Variants in ADGRL3 observed in about 807,000 individuals in gnomAD.
ADGRL3 encodes the protein adhesion G protein-coupled receptor L3.
A neutral mutation model predicts 153.5 loss-of-function variants in ADGRL3; 62 were observed. The ratio of observed to expected loss-of-function variants is 0.40; its 90% CI spans 0.33 to 0.50. The LOEUF (loss-of-function observed/expected upper bound fraction) is 0.50. Among genes scored for constraint, ADGRL3 ranks in the 20% least tolerant of loss-of-function variants. The pLI, the probability that ADGRL3 is intolerant of heterozygous loss-of-function variation, is 0.47. For missense variants in ADGRL3, 1,641 were observed against 1,859.4 expected (o/e 0.88, Z 2.16); for synonymous variants, 710 against 672.5 (o/e 1.06, Z -0.86).
intron 8 of ADGRL3, among the ~76,000 whole-genome samples, chr4:61,734,028 A>G (rs1471702169): frequency 6.6e-6 from 1 of 152,204 alleles, no homozygotes; most frequent in African/African-American, 2.4e-5. Flanking sequence ...CATTTTGGGA[A>G]GGTTGTCAGT....
chr4:61,607,056 A>T (rs2099035134), intron 5 of ADGRL3, among the ~76,000 whole-genome samples: 2 of 152,192 alleles, frequency 1.3e-5, no homozygotes, highest in South Asian at 2.1e-4. Context: ...GAAGAAGAGG[A>T]GTTATTACTC....
At chr4:61,453,077 A>T (rs1183894197) in intron 2 of ADGRL3, among the ~76,000 whole-genome samples, 1 of 152,166 alleles carries the variant, frequency 6.6e-6, no homozygotes, top group African/African-American at 2.4e-5. Flanking sequence ...ATTGTAAAGG[A>T]TTCAGTGAAA....
At chr4:61,398,359 T>C (rs1162307802) in intron 2 of ADGRL3, among the ~76,000 whole-genome samples, 1 of 151,744 alleles carries the variant, frequency 6.6e-6, no homozygotes, top group Non-Finnish European at 1.5e-5. Context: ...CCTTCGTAAA[T>C]GTATTGACAA....
Position 61,379,486 on chromosome 4 carries a change from T to C in ADGRL3, c.-239-3638T>C, listed in dbSNP as rs545917953. 1.3e-4 allele frequency among the ~76,000 whole-genome samples: 20 copies of C among 152,194 alleles called. No homozygotes were observed. In the East Asian group the frequency reaches 3.9e-3, roughly 29 times the overall value. On this transcript the variant is annotated intron_variant, in intron 1 of 26. Coordinates refer to ENST00000683033, the MANE Select transcript of ADGRL3 (RefSeq NM_001387552.1). ...AGATACTCCATCATAAAAATTTCTC[T>C]AACTCGTTGTATTGTTTTTTAAGTC...
At chr4:61,554,532 C>T (rs2098756598) in intron 4 of ADGRL3, among the ~76,000 whole-genome samples, 1 of 152,018 alleles carries the variant, frequency 6.6e-6, no homozygotes. Flanking sequence ...AAAATTTCAT[C>T]CACCTGCTTT....
chr4:61,376,665 G>A (rs1232379685), intron 1 of ADGRL3, among the ~76,000 whole-genome samples: 4 of 152,168 alleles, frequency 2.6e-5, no homozygotes, highest in African/African-American at 9.6e-5. Context: ...CACATCTGCT[G>A]TGTATTTTAC....
At chr4:61,878,709 C>T (rs1184680415) in intron 9 of ADGRL3, among the ~76,000 whole-genome samples, 1 of 152,164 alleles carries the variant, frequency 6.6e-6, no homozygotes, top group African/African-American at 2.4e-5. Flanking sequence ...TTCTGTGTCA[C>T]ATGCTGCTCA....
intron 1 of ADGRL3, among the ~76,000 whole-genome samples, chr4:61,260,037 G>A (rs1181076720): frequency 3.3e-5 from 5 of 152,154 alleles, no homozygotes; most frequent in African/African-American, 1.2e-4. Flanking sequence ...CTGCTTATGA[G>A]ACGTGTAAGA....
intron 6 of ADGRL3, among the ~76,000 whole-genome samples, chr4:61,677,790 C>T (rs1311161210): frequency 6.6e-6 from 1 of 151,926 alleles, no homozygotes; most frequent in Non-Finnish European, 1.5e-5. Flanking sequence ...TGGGGATCAG[C>T]AAGTTTGCGT....
At chr4:61,768,380 G>A (rs1390739643) in intron 8 of ADGRL3, among the ~76,000 whole-genome samples, 1 of 151,670 alleles carries the variant, frequency 6.6e-6, no homozygotes, top group East Asian at 1.9e-4. Context: ...AGGAAGATTA[G>A]AAAGACTCAG....
At chr4:61,935,286 G>A (rs568091860) in intron 14 of ADGRL3, among the ~76,000 whole-genome samples, 136 of 152,100 alleles carry the variant, frequency 8.9e-4, no homozygotes, top group African/African-American at 3.2e-3. Context: ...AGTGAGGTTC[G>A]TTTTTTTAAA....
At chr4:61,216,541 AATTT>A (rs1742874402) in intron 1 of ADGRL3, among the ~76,000 whole-genome samples, 1 of 152,048 alleles carries the variant, frequency 6.6e-6, no homozygotes, top group Non-Finnish European at 1.5e-5. Flanking sequence ...CTTATGGCTG[AATTT>A]ATTTATGTAA....
At chr4:61,906,740 T>C (rs569912500) in intron 11 of ADGRL3, among the ~76,000 whole-genome samples, 9 of 152,080 alleles carry the variant, frequency 5.9e-5, no homozygotes, top group African/African-American at 2.2e-4. Context: ...ACTTTTTGAG[T>C]TAGGCTTTCC....
chr4:61,805,640 G>A (rs991150492), intron 8 of ADGRL3, among the ~76,000 whole-genome samples: 10 of 152,000 alleles, frequency 6.6e-5, no homozygotes, highest in Admixed American at 6.6e-4. Flanking sequence ...TAAATAGATG[G>A]ATAATAGAAA....
intron 2 of ADGRL3, among the ~76,000 whole-genome samples, chr4:61,422,239 A>C (rs534956047): frequency 6.6e-6 from 1 of 152,188 alleles, no homozygotes; most frequent in Non-Finnish European, 1.5e-5. Context: ...TCAGAGTTAA[A>C]ATGGGTGTAT....
intron 8 of ADGRL3, among the ~76,000 whole-genome samples, chr4:61,772,886 A>G (rs569118381): frequency 6.6e-6 from 1 of 152,266 alleles, no homozygotes; most frequent in Non-Finnish European, 1.5e-5. Context: ...ACTAAAACCC[A>G]TGTTTTCCTA....
intron 2 of ADGRL3, among the ~76,000 whole-genome samples, chr4:61,440,071 CAG>C (rs1361211944): frequency 6.6e-6 from 1 of 151,796 alleles, no homozygotes; most frequent in Non-Finnish European, 1.5e-5. Context: ...TTTTTTGAGA[CAG>C]AGTCTTACTC....
chr4:62,053,517 A>C (rs1221953529), intron 25 of ADGRL3, among the ~76,000 whole-genome samples: 1 of 151,598 alleles, frequency 6.6e-6, no homozygotes, highest in Non-Finnish European at 1.5e-5. Context: ...CATTCATAGA[A>C]GGTAATTTAC....
intron 4 of ADGRL3, among the ~76,000 whole-genome samples, chr4:61,548,700 C>T (rs1460313345): frequency 1.3e-5 from 2 of 152,184 alleles, no homozygotes; most frequent in East Asian, 3.9e-4. Context: ...AGTTTGAAAT[C>T]AGGTAATGTG....
Sources: gnomAD v4.1 joint callset for allele counts (sites outside exome capture counted in the v4.1 genomes callset) on GRCh38, gnomAD v4.1.1 for gene constraint, MANE v1.5 for transcripts, NCBI Gene and HGNC (gene_info 2026-07-23, HGNC 2026-07-21) for gene names.